The following ADGRL2 variants were observed in gnomAD, a reference collection of about 807,000 sequenced individuals.
ADGRL2 encodes the protein calcium-independent alpha-latrotoxin receptor 2.
Under a neutral mutation model 157.4 loss-of-function variants are expected in ADGRL2, and 44 were observed. The ratio of observed to expected loss-of-function variants is 0.28; its 90% CI spans 0.22 to 0.36. ADGRL2 has a LOEUF of 0.36. Ranked by LOEUF, ADGRL2 falls within the 10% of genes least tolerant of loss-of-function variation. The pLI is 1.00. For missense variants in ADGRL2, 1,510 were observed against 1,768.9 expected (o/e 0.85, Z 2.63); for synonymous variants, 585 against 624.7 (o/e 0.94, Z 0.95).
At chr1:81,735,126 T>C (rs564989659) in intron 1 of ADGRL2, 2 of 147,866 alleles carry the variant, frequency 1.4e-5, no homozygotes, top group East Asian at 2.0e-4. Flanking sequence ...GGGAAGGTGA[T>C]AGGAAGATGG....
At chr1:81,360,243 C>A (rs2075954994) in intron 1 of ADGRL2, among the ~76,000 whole-genome samples, 1 of 151,960 alleles carries the variant, frequency 6.6e-6, no homozygotes, top group Non-Finnish European at 1.5e-5. Context: ...TGGCTATTTC[C>A]TCTGCTTAGA....
intron 2 of ADGRL2, among the ~76,000 whole-genome samples, chr1:81,570,886 GTC>G (rs1465020287): frequency 6.6e-6 from 1 of 152,084 alleles, no homozygotes; most frequent in Non-Finnish European, 1.5e-5. Context: ...TTCTGTAAAG[GTC>G]CAGATAGTAA....
At chr1:81,681,749 G>C (rs922629487) in intron 3 of ADGRL2, among the ~76,000 whole-genome samples, 1 of 152,206 alleles carries the variant, frequency 6.6e-6, no homozygotes, top group Non-Finnish European at 1.5e-5. Context: ...CGCAACAGCA[G>C]CAAAGCAGGT....
chr1:81,634,220 A>G (rs574709256), intron 3 of ADGRL2, among the ~76,000 whole-genome samples: 41 of 152,158 alleles, frequency 2.7e-4, no homozygotes, highest in Non-Finnish European at 5.1e-4. Flanking sequence ...TAACCACCGA[A>G]CCCAATTAAT....
At chr1:81,770,463 C>CT (rs2086317454) in intron 2 of ADGRL2, among the ~76,000 whole-genome samples, 1 of 145,984 alleles carries the variant, frequency 6.9e-6, no homozygotes, top group South Asian at 2.2e-4. Context: ...GCCTGGCTGC[C>CT]TTTTTTCAAT....
intron 3 of ADGRL2, among the ~76,000 whole-genome samples, chr1:81,626,357 G>A (rs910538975): frequency 3.3e-5 from 5 of 152,158 alleles, no homozygotes; most frequent in Non-Finnish European, 7.3e-5. Context: ...CCAGGCTAGA[G>A]TGCAGAGGTG....
At chr1:81,942,713 C>A in intron 5 of ADGRL2, 1 of 492,364 alleles carries the variant, frequency 2.0e-6, no homozygotes, top group Admixed American at 3.2e-5. Context: ...TTTAAATTGT[C>A]AGACCACTTA....
intron 1 of ADGRL2, among the ~76,000 whole-genome samples, chr1:81,392,204 C>G (rs923333048): frequency 2.2e-5 from 3 of 136,626 alleles, no homozygotes; most frequent in Admixed American, 8.0e-5. Flanking sequence ...ATGCCTCTCA[C>G]ACTTCCTCCT....
intron 3 of ADGRL2, among the ~76,000 whole-genome samples, chr1:81,921,423 G>T (rs1029305025): frequency 2.6e-5 from 4 of 152,168 alleles, no homozygotes; most frequent in African/African-American, 9.7e-5. Context: ...ATGATAATGT[G>T]TATAGTGTGT....
chr1:81,541,345 T>C (rs146872160), intron 2 of ADGRL2, among the ~76,000 whole-genome samples: 109 of 152,322 alleles, frequency 7.2e-4, no homozygotes, highest in African/African-American at 2.5e-3. Flanking sequence ...TATTTTTTCT[T>C]ACTTAGGCAA....
chr1:81,751,763 T>A (rs1571072146), intron 1 of ADGRL2, among the ~76,000 whole-genome samples: 1 of 152,212 alleles, frequency 6.6e-6, no homozygotes, highest in African/African-American at 2.4e-5. Context: ...GAAAAAAATA[T>A]GTTGAAGTAT....
At chr1:81,903,340 A>C (rs1399122441) in intron 2 of ADGRL2, among the ~76,000 whole-genome samples, 1 of 152,096 alleles carries the variant, frequency 6.6e-6, no homozygotes, top group African/African-American at 2.4e-5. Flanking sequence ...AGTTTTACTA[A>C]TATATTCTTT....
intron 2 of ADGRL2, among the ~76,000 whole-genome samples, chr1:81,451,248 C>T (rs1194176512): frequency 2.0e-5 from 3 of 152,072 alleles, no homozygotes; most frequent in Non-Finnish European, 4.4e-5. Context: ...AAAATACTAC[C>T]GTCCTTCTAT....
intron 1 of ADGRL2, among the ~76,000 whole-genome samples, chr1:81,830,689 TAG>T (rs2091885013): frequency 1.3e-5 from 2 of 152,104 alleles, no homozygotes; most frequent in African/African-American, 4.8e-5. Flanking sequence ...TGTATTTTAG[TAG>T]AGACGGGGTT....
chr1:81,573,702 A>C (rs1263332504), intron 2 of ADGRL2, among the ~76,000 whole-genome samples: 1 of 152,186 alleles, frequency 6.6e-6, no homozygotes, highest in Admixed American at 6.5e-5. Context: ...TTGAAAGATA[A>C]GATCACGCCA....
At chr1:81,393,861 TGA>T (rs1198742243) in intron 1 of ADGRL2, among the ~76,000 whole-genome samples, 1 of 150,750 alleles carries the variant, frequency 6.6e-6, no homozygotes, top group Non-Finnish European at 1.5e-5. Context: ...TCTCCCAGAA[TGA>T]GAGTAATTCA....
intron 2 of ADGRL2, among the ~76,000 whole-genome samples, chr1:81,562,320 A>G (rs2148457737): frequency 6.6e-6 from 1 of 152,294 alleles, no homozygotes; most frequent in Non-Finnish European, 1.5e-5. Flanking sequence ...TTTGTTCCAT[A>G]TGTAAACTGA....
chr1:81,672,969 A>G (rs2082905888), intron 3 of ADGRL2, among the ~76,000 whole-genome samples: 3 of 152,222 alleles, frequency 2.0e-5, no homozygotes, highest in Admixed American at 1.3e-4. Context: ...ATGATGGAGC[A>G]ATTGTGACTG....
intron 2 of ADGRL2, among the ~76,000 whole-genome samples, chr1:81,842,173 C>T (rs1244908866): frequency 1.3e-5 from 2 of 151,750 alleles, no homozygotes; most frequent in Non-Finnish European, 2.9e-5. Context: ...CATGGTACAA[C>T]TTTTTCAAAA....
Sources: allele counts gnomAD v4.1 joint callset (sites outside exome capture counted in the v4.1 genomes callset), GRCh38; gene constraint gnomAD v4.1.1; transcripts MANE v1.5; gene names NCBI Gene and HGNC (gene_info 2026-07-23, HGNC 2026-07-21).